The following CTTNBP2 variants were observed in gnomAD, a reference collection of about 807,000 sequenced individuals.
The protein encoded by CTTNBP2 is cortactin-binding protein 2.
In CTTNBP2, 108 loss-of-function variants were observed where a neutral mutation model predicts 156.9. That is an observed-to-expected ratio of 0.69 (90% CI 0.59 to 0.81). CTTNBP2 has a LOEUF of 0.81. Ranked by LOEUF, CTTNBP2 falls within the 30% of genes least tolerant of loss-of-function variation. The pLI, the probability that CTTNBP2 is intolerant of heterozygous loss-of-function variation, is 0.00. For synonymous variants in CTTNBP2, 767 were observed against 751.8 expected, an observed-to-expected ratio of 1.02 and a Z score of -0.33; for missense variants, 1,924 against 2,035.4, an observed-to-expected ratio of 0.95 and a Z score of 1.05.
chr7:117,854,606 G>C (rs1466975815), intron 2 of CTTNBP2, among the ~76,000 whole-genome samples: 1 of 152,090 alleles, frequency 6.6e-6, no homozygotes, highest in East Asian at 1.9e-4. Flanking sequence ...ATTTTAAATA[G>C]TAAAATATGT....
At chr7:117,835,153 G>A (rs1801849673) in intron 2 of CTTNBP2, among the ~76,000 whole-genome samples, 1 of 152,234 alleles carries the variant, frequency 6.6e-6, no homozygotes, top group Admixed American at 6.5e-5. Context: ...TCCCACAGGG[G>A]ACGGCTGAAG....
Position 117,716,532 on chromosome 7 carries a change from T to C in CTTNBP2, c.4746+1486A>G, listed in dbSNP as rs545666207. On this transcript the variant is annotated intron_variant, in intron 22 of 22. Transcript: ENST00000160373. ...AGCCAATAAATACAGGGGGAGTGAG[T>C]TGAGGCTTTAAAGATAGCAAAGGGA... Among the ~76,000 whole-genome samples, 18 of 151,880 alleles carry C rather than the reference T, an allele frequency of 1.2e-4. No homozygotes were observed. In the South Asian group the frequency reaches 3.8e-3, roughly 32 times the overall value.
chr7:117,794,581 C>T lies in CTTNBP2; in HGVS notation c.415-1800G>A, dbSNP rs567705636. ...TTTCTTACCCTGTTACAAAAATCCA[C>T]GACTCCTTTCCCCTCACAGTCAGTC... is the stretch of plus-strand genomic sequence containing the variant. On this transcript the variant is annotated intron_variant, in intron 3 of 22. Transcript: ENST00000160373. Among the ~76,000 whole-genome samples the T allele has an allele frequency of 3.9e-5, 6 of 152,324 alleles. No individual in the cohort carries two copies. In the South Asian group the frequency reaches 6.2e-4, roughly 16 times the overall value.
intron 3 of CTTNBP2, among the ~76,000 whole-genome samples, chr7:117,807,439 T>C (rs1050243066): frequency 6.6e-6 from 1 of 152,224 alleles, no homozygotes; most frequent in Non-Finnish European, 1.5e-5. Context: ...AATGGGCATA[T>C]GAAATCAAGG....
At chr7:117,746,948 CTACA>C (rs542848848) in intron 12 of CTTNBP2, among the ~76,000 whole-genome samples, 56 of 152,278 alleles carry the variant, frequency 3.7e-4, no homozygotes, top group African/African-American at 1.3e-3. Context: ...CAATTATCAT[CTACA>C]CAGGGCAAAG....
intron 7 of CTTNBP2, among the ~76,000 whole-genome samples, chr7:117,779,581 C>T (rs895920953): frequency 2.0e-5 from 3 of 151,778 alleles, no homozygotes; most frequent in African/African-American, 2.4e-5. Context: ...GTGTGTAACA[C>T]CACAGATTTC....
intron 16 of CTTNBP2, among the ~76,000 whole-genome samples, chr7:117,734,178 A>T (rs578005470): frequency 2.0e-4 from 30 of 152,278 alleles, no homozygotes; most frequent in Admixed American, 7.8e-4. Context: ...GTGAGGGGGA[A>T]AATCCTCTTT....
chr7:117,845,866 T>G (rs1802550808), intron 2 of CTTNBP2, among the ~76,000 whole-genome samples: 1 of 152,166 alleles, frequency 6.6e-6, no homozygotes, highest in Non-Finnish European at 1.5e-5. Context: ...TTCTTTTTTT[T>G]TTGAGATGGA....
intron 4 of CTTNBP2, among the ~76,000 whole-genome samples, chr7:117,790,378 C>A (rs1157900058): frequency 6.6e-6 from 1 of 152,086 alleles, no homozygotes; most frequent in African/African-American, 2.4e-5. Context: ...CACTGTATAA[C>A]AAAAGGGAAA....
At chr7:117,726,679 A>G (rs1315234516) in intron 17 of CTTNBP2, among the ~76,000 whole-genome samples, 2 of 152,200 alleles carry the variant, frequency 1.3e-5, no homozygotes, top group African/African-American at 2.4e-5. Context: ...TCCAGGGCCA[A>G]GGGTCGACAG....
intron 8 of CTTNBP2, among the ~76,000 whole-genome samples, chr7:117,776,592 C>G (rs1055656008): frequency 2.3e-4 from 35 of 152,296 alleles, no homozygotes; most frequent in African/African-American, 7.9e-4. Flanking sequence ...CTGAACCACT[C>G]TCCTTTCTCA....
At chr7:117,865,225 C>A (rs1382464255) in intron 1 of CTTNBP2, among the ~76,000 whole-genome samples, 1 of 150,814 alleles carries the variant, frequency 6.6e-6, no homozygotes, top group Non-Finnish European at 1.5e-5. Context: ...AAAACATGAC[C>A]CCCAAATCCC....
At chr7:117,832,424 C>T (rs1046381292) in intron 2 of CTTNBP2, among the ~76,000 whole-genome samples, 8 of 152,194 alleles carry the variant, frequency 5.3e-5, no homozygotes, top group African/African-American at 1.7e-4. Context: ...AAGGTATTAC[C>T]GTATTTCTCC....
In CTTNBP2 at chr7:117,792,163, C is replaced by T. The variant is rs371684451; in HGVS notation, c.1033G>A (p.Val345Met). 61 of 1,614,128 alleles carry T rather than the reference C, an allele frequency of 3.8e-5. No individual in the cohort carries two copies. Among genetic ancestry groups the T allele is most frequent in the Middle Eastern group, 1.6e-4 (1 of 6,062 alleles). The change falls in exon 4 of 23, where the codon GTG becomes ATG. Residue 345 changes from valine (V) to methionine (M), a missense_variant. By Grantham distance (21) the Val-to-Met change is conservative (BLOSUM62 1). Transcript: ENST00000160373. This position sits in a 1 kb window ranked among gnomAD's most constrained non-coding sequence, Gnocchi z 4.2. The stretch of plus-strand genomic sequence containing the variant: ...CTGGCCATGGTGGCACTGGTGCACA[C>T]GCTCCCTTTTGCATTTGCAGAAACT... ...PLVSANAKGS[V>M]CTSATMARPG...
chr7:117,791,979 G>A lies in CTTNBP2; in HGVS notation c.1217C>T (p.Ala406Val), dbSNP rs1292733581. 2 of 1,614,122 alleles carry A rather than the reference G, an allele frequency of 1.2e-6. No homozygotes were observed. Among genetic ancestry groups the A allele is most frequent in the Non-Finnish European group, 1.7e-6 (2 of 1,180,020 alleles). Residue 406 changes from alanine (A) to valine (V), a missense_variant, in exon 4 of 23, where the codon GCC (alanine) becomes GTC (valine). Transcript: ENST00000160373. Reference protein sequence around the residue: ...SSTPPLPSNAAPPTAQTPGIA... With the variant: ...SSTPPLPSNAVPPTAQTPGIA... ...GCCTGGTGTTTGAGCGGTGGGAGGG[G>A]CAGCGTTACTGGGAAGTGGGGGTGT...
intron 2 of CTTNBP2, among the ~76,000 whole-genome samples, chr7:117,860,350 C>CT (rs1019359881): frequency 5.1e-4 from 75 of 147,600 alleles, no homozygotes; most frequent in South Asian, 1.1e-3. Flanking sequence ...TTTCTTTTTT[C>CT]TTTTTTTTTT....
At chr7:117,856,195 C>A (rs1214968768) in intron 2 of CTTNBP2, among the ~76,000 whole-genome samples, 1 of 152,186 alleles carries the variant, frequency 6.6e-6, no homozygotes, top group Non-Finnish European at 1.5e-5. Context: ...CTCACCGATA[C>A]ACCTGTGTGC....
At chr7:117,777,409 A>C in intron 8 of CTTNBP2, 102 bp downstream of exon 8, 2 of 1,141,932 alleles carry the variant, frequency 1.8e-6, no homozygotes, top group Non-Finnish European at 1.3e-6. Context: ...TGTATCACTC[A>C]GTCTCCAATT....
At chr7:117,771,440 A>G (rs1379056862) in intron 8 of CTTNBP2, among the ~76,000 whole-genome samples, 1 of 152,196 alleles carries the variant, frequency 6.6e-6, no homozygotes, top group Non-Finnish European at 1.5e-5. Context: ...TAACGACATG[A>G]GCAAGAAGGT....
Sources: gnomAD v4.1 joint callset for allele counts (sites outside exome capture counted in the v4.1 genomes callset) on GRCh38, gnomAD v4.1.1 for gene constraint, Gnocchi (gnomAD v3.1) non-coding constraint, MANE v1.5 for transcripts, NCBI Gene and HGNC (gene_info 2026-07-23, HGNC 2026-07-21) for gene names.